The following SH3RF1 variants were observed in gnomAD, a reference collection of about 807,000 sequenced individuals.
SH3RF1 encodes the protein SH3 domain containing ring finger 1, also known as E3 ubiquitin-protein ligase SH3RF1.
SH3RF1 carries 32 observed loss-of-function variants against 74.0 expected under a neutral mutation model. The ratio of observed to expected loss-of-function variants is 0.43; its 90% CI spans 0.33 to 0.58. SH3RF1 has a LOEUF of 0.58. Ranked by LOEUF, SH3RF1 falls within the 20% of genes least tolerant of loss-of-function variation. The pLI, the probability that SH3RF1 is intolerant of heterozygous loss-of-function variation, is 0.05. For missense variants in SH3RF1, 954 were observed against 1,130.9 expected (o/e 0.84, Z 2.24); for synonymous variants, 396 against 439.6 (o/e 0.90, Z 1.24).
intron 3 of SH3RF1, among the ~76,000 whole-genome samples, chr4:169,155,866 C>T (rs567055135): frequency 3.0e-5 from 4 of 135,072 alleles, no homozygotes; most frequent in Admixed American, 7.0e-5. Context: ...CTACCCTAGC[C>T]TCCTGAGTTT....
chr4:169,169,748 G>A (rs763936146), intron 2 of SH3RF1, among the ~76,000 whole-genome samples: 1 of 151,998 alleles, frequency 6.6e-6, no homozygotes, highest in Non-Finnish European at 1.5e-5. Flanking sequence ...TTTCTTTTGA[G>A]ACAGGGTCTT....
Position 169,155,570 on chromosome 4 carries a change from A to G in SH3RF1, c.675T>C (p.Asp225=). 2 of 1,611,606 alleles carry G rather than the reference A, an allele frequency of 1.2e-6. No individual in the cohort carries two copies. The highest frequency in any genetic ancestry group is 1.7e-5 in the Admixed American group (1 of 60,012). The change falls in exon 4 of 12, where the codon GAT becomes GAC. Residue 225 remains aspartate, a synonymous_variant. Transcript: ENST00000284637. ...DKDCLPFAKD[D]VLTVIRRVDE... ...CCACTCTTCGGATCACAGTCAGAAC[A>G]TCATCCTGAAGAAACAGCAAATCAT...
chr4:169,237,779 T>C (rs1457011096), intron 2 of SH3RF1, among the ~76,000 whole-genome samples: 1 of 152,134 alleles, frequency 6.6e-6, no homozygotes, highest in Non-Finnish European at 1.5e-5. Context: ...GAAAAGAGTA[T>C]ACCCTACAGT....
intron 2 of SH3RF1, among the ~76,000 whole-genome samples, chr4:169,161,810 A>T (rs1255523270): frequency 6.6e-6 from 1 of 152,246 alleles, no homozygotes. Context: ...GAACTGAGGC[A>T]CAAAGAAATC....
chr4:169,123,412 C>T (rs1039681307), intron 6 of SH3RF1, among the ~76,000 whole-genome samples: 16 of 152,158 alleles, frequency 1.1e-4, no homozygotes, highest in African/African-American at 3.6e-4. Context: ...TTTGCTAAAG[C>T]GACTTTCAAT....
chr4:169,177,560 C>T (rs1734441478), intron 2 of SH3RF1, among the ~76,000 whole-genome samples: 1 of 152,132 alleles, frequency 6.6e-6, no homozygotes, highest in African/African-American at 2.4e-5. Flanking sequence ...AAAGAACATT[C>T]GTAATCAATT....
rs530181841 is a variant in SH3RF1, at chr4:169,100,825, A to G, written c.2499-4138T>C. 1.7e-4 allele frequency among the ~76,000 whole-genome samples: 26 copies of G among 151,782 alleles called. 1 individual carries two copies. The South Asian group carries it at 5.4e-3, about 32-fold the overall frequency. On this transcript the variant is annotated intron_variant, in intron 11 of 11. Transcript: ENST00000284637. ...TACTATCACCACAAAAGTCCCAAAC[A>G]CTCCCCTAAGCCTGAACATGTCCCC...
intron 2 of SH3RF1, among the ~76,000 whole-genome samples, chr4:169,254,552 T>C (rs1731153872): frequency 6.6e-6 from 1 of 152,192 alleles, no homozygotes; most frequent in African/African-American, 2.4e-5. Flanking sequence ...AGAAACAAGT[T>C]TAATCCGGAG....
At chr4:169,125,149 T>C (rs1400953288) in intron 6 of SH3RF1, among the ~76,000 whole-genome samples, 1 of 152,178 alleles carries the variant, frequency 6.6e-6, no homozygotes, top group African/African-American at 2.4e-5. Context: ...GACCCAGTGA[T>C]CTTGAAAGAA....
intron 2 of SH3RF1, among the ~76,000 whole-genome samples, chr4:169,227,027 G>A (rs1307021071): frequency 3.3e-5 from 5 of 151,878 alleles, no homozygotes; most frequent in Admixed American, 1.3e-4. Flanking sequence ...CTAGCCAGGC[G>A]TCGGGGCACA....
At chr4:169,158,972 T>G (rs186653769) in intron 2 of SH3RF1, among the ~76,000 whole-genome samples, 1 of 152,218 alleles carries the variant, frequency 6.6e-6, no homozygotes, top group East Asian at 1.9e-4. Context: ...GTTGGTTAAT[T>G]AGAACTTCCC....
intron 2 of SH3RF1, among the ~76,000 whole-genome samples, chr4:169,169,426 GT>G: frequency 6.6e-6 from 1 of 152,062 alleles, no homozygotes; most frequent in East Asian, 1.9e-4. Flanking sequence ...GCAAAACCCT[GT>G]CTCTACTAAA....
rs746280011 is a variant in SH3RF1, at chr4:169,096,481, G to A, written c.*38C>T. 2.5e-6 allele frequency: 4 copies of A among 1,600,162 alleles called. No individual in the cohort carries two copies. The highest frequency in any genetic ancestry group is 3.4e-6 in the Non-Finnish European group (4 of 1,173,114). The stretch of plus-strand genomic sequence containing the variant: ...TTAAACTGCTTTGTGCTACTTTGTT[G>A]TGTGAAGTGATTTTAAGCTTCTTCA... On this transcript the variant is annotated 3_prime_UTR_variant, in exon 12 of 12. Transcript: ENST00000284637.
At position 169,120,757 on chromosome 4, in the gene SH3RF1, C is replaced by A. The variant is rs1733423447; in HGVS notation, c.1517+62G>T. The A allele has an allele frequency of 3.2e-6, 5 of 1,563,378 alleles. No individual in the cohort carries two copies. In the South Asian group the frequency reaches 5.8e-5, roughly 18 times the overall value. ...GAAAGGAATCTGGATAGGCTGAAAA[C>A]CATGGAAAAGAACAAAGCTTCTCTG... On this transcript the variant is annotated intron_variant, in intron 8 of 11. Transcript: ENST00000284637.
At chr4:169,126,601 T>G (rs937487133) in intron 6 of SH3RF1, among the ~76,000 whole-genome samples, 2 of 149,650 alleles carry the variant, frequency 1.3e-5, no homozygotes, top group African/African-American at 5.1e-5. Flanking sequence ...TTTATTTTTG[T>G]TTTTTTTAGG....
intron 2 of SH3RF1, among the ~76,000 whole-genome samples, chr4:169,263,500 G>A (rs899408655): frequency 3.9e-5 from 6 of 152,136 alleles, no homozygotes; most frequent in African/African-American, 1.2e-4. Context: ...GATGTCCCAC[G>A]GCACAGTTCA....
rs1302670147 is a variant in SH3RF1 at position 169,116,249 on chromosome 4, G to A, written c.2139+20C>T. On this transcript the variant is annotated intron_variant, in intron 10 of 11. Transcript: ENST00000284637. Reference sequence around the variant, plus strand: ...GGGAAGTAAGTAAAGCAGAGAAACAGTAAGTAAGTATGGTCTTACTTTGCT... The same window carrying A: ...GGGAAGTAAGTAAAGCAGAGAAACAATAAGTAAGTATGGTCTTACTTTGCT... The A allele has an allele frequency of 6.4e-7, 1 of 1,570,380 alleles. No individual in the cohort carries two copies. The highest frequency in any genetic ancestry group is 8.6e-7 in the Non-Finnish European group (1 of 1,156,150).
At chr4:169,101,232 A>C (rs1733021702) in intron 11 of SH3RF1, among the ~76,000 whole-genome samples, 1 of 152,226 alleles carries the variant, frequency 6.6e-6, no homozygotes, top group Admixed American at 6.5e-5. Flanking sequence ...AAAAAGAAAA[A>C]GCCTAGTTGT....
At chr4:169,155,111 T>A (rs1039218622) in intron 4 of SH3RF1, among the ~76,000 whole-genome samples, 1 of 152,148 alleles carries the variant, frequency 6.6e-6, no homozygotes, top group African/African-American at 2.4e-5. Flanking sequence ...AAGAAGTAAG[T>A]AAAAAATAAA....
Sources: gnomAD v4.1 joint callset for allele counts (sites outside exome capture counted in the v4.1 genomes callset) on GRCh38, gnomAD v4.1.1 for gene constraint, MANE v1.5 for transcripts, NCBI Gene and HGNC (gene_info 2026-07-23, HGNC 2026-07-21) for gene names.